CACNA1H: variants seen among roughly 807,000 people sequenced by gnomAD.
The protein encoded by CACNA1H is calcium voltage-gated channel subunit alpha1 H.
In CACNA1H, 149 loss-of-function variants were observed where a neutral mutation model predicts 192.5. That is an observed-to-expected ratio of 0.77 (90% CI 0.68 to 0.89). The LOEUF (loss-of-function observed/expected upper bound fraction) is 0.89, where lower values mean the gene tolerates loss of function less well. Ranked by LOEUF, CACNA1H falls within the 40% of genes least tolerant of loss-of-function variation. The probability of loss-of-function intolerance (pLI) is 0.00; values close to 1 mark genes in which losing one functional copy is unlikely to be tolerated. For synonymous variants in CACNA1H, 2,202 were observed against 1,475.2 expected (o/e 1.49, Z -11.29); for missense variants, 4,257 against 3,423.5 (o/e 1.24, Z -6.08).
In CACNA1H at chr16:1,206,289, G is replaced by A. The variant is rs1199006718; in HGVS notation, c.2789G>A (p.Ser930Asn). The A allele has an allele frequency of 6.4e-7, 1 of 1,553,220 alleles. No individual in the cohort carries two copies. The highest frequency in any genetic ancestry group is 1.9e-5 in the Admixed American group (1 of 51,810). Residue 930 changes from serine to asparagine, a missense_variant and splice_region_variant, in exon 12 of 35, where the codon AGC becomes AAC. Ser to Asn is a conservative substitution (Grantham distance 46). Coordinates refer to ENST00000348261, the MANE Select transcript of CACNA1H (RefSeq NM_021098.3). ...TLLMLFIFIFSILGMHLFGCK... is the reference protein window; with the variant it reads ...TLLMLFIFIFNILGMHLFGCK... ...CTCATGCTCTTCATTTTCATCTTCA[G>A]GTGGGCGCAACCCCCCTCCCGGCCC... is the stretch of plus-strand genomic sequence containing the variant.
rs994656729 is a variant in CACNA1H, at chr16:1,215,464, G to A, written c.5174-59G>A. 9.3e-5 allele frequency: 148 copies of A among 1,587,338 alleles called. 1 individual carries two copies. The East Asian group carries it at 3.3e-3, about 36-fold the overall frequency. On this transcript the variant is annotated intron_variant, in intron 29 of 34. Coordinates refer to ENST00000348261, the MANE Select transcript of CACNA1H (RefSeq NM_021098.3). ...GGGAGTGAGGGGCGGGGCGGCCAGG[G>A]TCCCCGCGCAGCAGGGAGGGTCCGC...
intron 24 of CACNA1H, 38 bp downstream of exon 24, chr16:1,211,843 C>T (rs774105687): frequency 1.9e-6 from 3 of 1,609,950 alleles, no homozygotes; most frequent in East Asian, 2.2e-5. Context: ...ACCTCAGGGT[C>T]TCCCGCGAGC....
chr16:1,198,922 C>A, intron 6 of CACNA1H, 148 bp downstream of exon 6: 1 of 736,040 alleles, frequency 1.4e-6, no homozygotes, highest in Non-Finnish European at 2.2e-6. Context: ...ATGGCTCCGT[C>A]CACCATGCTG....
rs778684497 is a variant in CACNA1H, at chr16:1,209,317, C to G, written c.3649C>G (p.Arg1217Gly). The G allele has an allele frequency of 1.3e-6, 2 of 1,597,550 alleles. No individual in the cohort carries two copies. Among genetic ancestry groups the G allele is most frequent in the Admixed American group, 3.3e-5 (2 of 59,900 alleles). ...AALPPTKCRD[R>G]DGQVVALPSD... ...CCTCCCGCCTACCAAGTGCCGCGAT[C>G]GCGACGGGCAGGTGGTGGCCCTGCC... Residue 1217 changes from arginine (R) to glycine (G), a missense_variant, in exon 17 of 35, where the codon CGC (arginine) becomes GGC (glycine). By Grantham distance (125) the Arg-to-Gly change is moderately radical. Coordinates refer to ENST00000348261, the MANE Select transcript of CACNA1H (RefSeq NM_021098.3).
Position 1,207,859 on chromosome 16 carries a change from A to C in CACNA1H, c.3153A>C (p.Thr1051=). 4 of 1,589,082 alleles carry C rather than the reference A, an allele frequency of 2.5e-6. No homozygotes were observed. Among genetic ancestry groups the C allele is most frequent in the African/African-American group, 2.7e-5 (2 of 74,432 alleles). ...ACAAGCTCAGAGAACTCCAGACCAC[A>C]GGTGCGTGTGGTCGGTGGGTGGTCC... The part of the protein sequence containing the change: ...DFHKLRELQT[T]ELKMCSLAVT... The change falls in exon 15 of 35, where the codon ACA becomes ACC. Residue 1051 remains threonine (T), a splice_region_variant and synonymous_variant. Transcript: ENST00000348261.
In CACNA1H at chr16:1,208,037, T is replaced by C. The variant is rs759367358; in HGVS notation, c.3179T>C (p.Val1060Ala). The change falls in exon 16 of 35, where the codon GTG (valine) becomes GCG (alanine). Residue 1060 changes from valine to alanine, a missense_variant. Physicochemically the swap from Val to Ala is moderately conservative, Grantham distance 64. Transcript: ENST00000348261. ...TTELKMCSLA[V>A]TPNGHLEGRG... The stretch of plus-strand genomic sequence containing the variant: ...GAGCTGAAGATGTGTTCCCTGGCCG[T>C]GACCCCCAACGGGCACCTGGAGGGA... The C allele has an allele frequency of 2.5e-6, 4 of 1,606,888 alleles. No individual in the cohort carries two copies. The highest frequency in any genetic ancestry group is 3.4e-6 in the Non-Finnish European group (4 of 1,177,664).
intron 2 of CACNA1H, among the ~76,000 whole-genome samples, chr16:1,155,129 CAA>C (rs1370483576): frequency 1.3e-5 from 2 of 152,172 alleles, no homozygotes; most frequent in African/African-American, 4.8e-5. Context: ...GGAATCTGTA[CAA>C]AAAAAGTCAT....
At position 1,202,010 on chromosome 16, in the gene CACNA1H, C is replaced by T. The variant is rs971175856; in HGVS notation, c.1560C>T (p.His520=). The stretch of plus-strand genomic sequence containing the variant: ...CCTCGGTGCACCACCTGGTCTACCA[C>T]CACCATCACCACCACCACCACCACT... ...HTASVHHLVY[H]HHHHHHHHYH... is the part of the protein sequence containing the mutation. The change falls in exon 9 of 35, where the codon CAC becomes CAT. Residue 520 remains histidine, a synonymous_variant. Transcript: ENST00000348261. The T allele has an allele frequency of 3.3e-6, 5 of 1,537,802 alleles. No homozygotes were observed. Among genetic ancestry groups the T allele is most frequent in the Non-Finnish European group, 2.6e-6 (3 of 1,143,740 alleles).
rs200427760 is a variant in CACNA1H at position 1,205,222 on chromosome 16, C to T, written c.2560C>T (p.Arg854Trp). 2.5e-5 allele frequency: 41 copies of T among 1,612,884 alleles called. No homozygotes were observed. Among genetic ancestry groups the T allele is most frequent in the South Asian group, 3.3e-5 (3 of 91,074 alleles). ...GGCCTGCGGCCCTCTGGGCTACATC[C>T]GGAACCCGTACAACATCTTCGACGG... ...LLACGPLGYIRNPYNIFDGII... is the reference protein window; with the variant it reads ...LLACGPLGYIWNPYNIFDGII... Residue 854 changes from arginine to tryptophan, a missense_variant, in exon 11 of 35, where the codon CGG becomes TGG. Transcript: ENST00000348261.
At chr16:1,169,727 A>G (rs965993313) in intron 2 of CACNA1H, among the ~76,000 whole-genome samples, 5 of 152,224 alleles carry the variant, frequency 3.3e-5, no homozygotes, top group Non-Finnish European at 5.9e-5. Flanking sequence ...TGGGAGCTTC[A>G]GGCCAGCCGG....
chr16:1,162,304 C>G (rs1055720200), intron 2 of CACNA1H, among the ~76,000 whole-genome samples: 7 of 152,130 alleles, frequency 4.6e-5, no homozygotes, highest in African/African-American at 1.7e-4. Context: ...CTCACAGCTG[C>G]GAGCAGGGGT....
In CACNA1H at chr16:1,167,640, G is replaced by A. The variant is rs1031787501; in HGVS notation, c.299+13604G>A. ...CTGTCACTAATCCCCAGCTGCTCCTGGTTGACCGGCCCGGCCTGTGTTACA... is the reference window on the plus strand; with the variant it reads ...CTGTCACTAATCCCCAGCTGCTCCTAGTTGACCGGCCCGGCCTGTGTTACA... On this transcript the variant is annotated intron_variant, in intron 2 of 34. Coordinates refer to ENST00000348261, the MANE Select transcript of CACNA1H (RefSeq NM_021098.3). This position sits in a 1 kb window ranked among gnomAD's most constrained non-coding sequence, Gnocchi z 4.2. Among the ~76,000 whole-genome samples the A allele has an allele frequency of 6.6e-6, 1 of 152,190 alleles. No individual in the cohort carries two copies. Among genetic ancestry groups the A allele is most frequent in the Admixed American group, 6.5e-5 (1 of 15,280 alleles).
chr16:1,185,470 G>C (rs1965893936), intron 2 of CACNA1H, among the ~76,000 whole-genome samples: 1 of 149,424 alleles, frequency 6.7e-6, no homozygotes, highest in African/African-American at 2.5e-5. Flanking sequence ...GCGGCAGCCA[G>C]ACTCCCACAT....
At chr16:1,214,004 A>C (rs1466538667) in intron 27 of CACNA1H, 73 bp downstream of exon 27, 4 of 1,331,502 alleles carry the variant, frequency 3.0e-6, no homozygotes, top group Non-Finnish European at 1.1e-6. Flanking sequence ...CAGTGGGCAC[A>C]ACCCTGGACC....
intron 2 of CACNA1H, among the ~76,000 whole-genome samples, chr16:1,172,612 C>A (rs1402118825): frequency 1.3e-5 from 2 of 152,190 alleles, no homozygotes; most frequent in African/African-American, 4.8e-5. Flanking sequence ...GAGCTCCCGG[C>A]TTCTGTAATT....
chr16:1,206,920 A>ACCCCC, intron 12 of CACNA1H, 81 bp from the exon 13 acceptor site: 1 of 48,172 alleles, frequency 2.1e-5, no homozygotes, highest in Non-Finnish European at 3.8e-5. Context: ...CCCTCCTCCC[A>ACCCCC]CCCCCCTCCC....
chr16:1,219,722 T>G (rs1167738494), intron 34 of CACNA1H, among the ~76,000 whole-genome samples: 1 of 152,150 alleles, frequency 6.6e-6, no homozygotes, highest in African/African-American at 2.4e-5. Flanking sequence ...CAGCCTCAGC[T>G]CTGTGCCCCT....
intron 5 of CACNA1H, among the ~76,000 whole-genome samples, chr16:1,196,598 G>C (rs1016407016): frequency 2.6e-5 from 4 of 152,182 alleles, no homozygotes; most frequent in Admixed American, 2.6e-4. Flanking sequence ...CTGGGCCTCC[G>C]TGTCCCCTGC....
intron 2 of CACNA1H, among the ~76,000 whole-genome samples, chr16:1,164,427 G>A (rs1252845631): frequency 2.6e-5 from 4 of 152,142 alleles, no homozygotes; most frequent in Non-Finnish European, 5.9e-5. Flanking sequence ...CGATCTCCTG[G>A]TTCAGGTGAC....
Sources: allele counts gnomAD v4.1 joint callset (sites outside exome capture counted in the v4.1 genomes callset), GRCh38; gene constraint gnomAD v4.1.1; non-coding constraint Gnocchi (gnomAD v3.1); transcripts MANE v1.5; gene names NCBI Gene and HGNC (gene_info 2026-07-23, HGNC 2026-07-21).